CCDC32: variants seen among roughly 807,000 people sequenced by gnomAD.
CCDC32 encodes the protein coiled-coil domain containing 32.
A neutral mutation model predicts 20.1 loss-of-function variants in CCDC32; 9 were observed. The ratio of observed to expected loss-of-function variants is 0.45; its 90% CI spans 0.27 to 0.78. The LOEUF is 0.78. Among genes scored for constraint, CCDC32 ranks in the 30% least tolerant of loss-of-function variants. The pLI, the probability that CCDC32 is intolerant of heterozygous loss-of-function variation, is 0.16. For missense variants in CCDC32, 204 were observed against 215.5 expected, an observed-to-expected ratio of 0.95 and a Z score of 0.33; for synonymous variants, 63 against 79.0, an observed-to-expected ratio of 0.80 and a Z score of 1.07.
intron 3 of CCDC32, among the ~76,000 whole-genome samples, chr15:40,547,094 T>G (rs1053689220): frequency 3.9e-5 from 6 of 152,022 alleles, no homozygotes; most frequent in Admixed American, 2.0e-4. Context: ...TGGGGCTGCC[T>G]CTTCTGTCAG....
At chr15:40,522,283 C>T in the CCDC32 span, among the ~76,000 whole-genome samples, 30 of 152,292 alleles carry the variant, frequency 2.0e-4, 1 homozygote, top group African/African-American at 7.2e-4. Flanking sequence ...AAAGGGTATA[C>T]TTCTGGACTC....
chr15:40,534,815 A>T (rs1889039056), downstream of CCDC32: 5 of 690,944 alleles, frequency 7.2e-6, no homozygotes, highest in Admixed American at 8.1e-5. Flanking sequence ...ATACCATCAC[A>T]TCAGGATTAG....
chr15:40,552,771 C>CAAAAAAAAAAAAAAAA (rs10675441), downstream of CCDC32: 8 of 68,778 alleles, frequency 1.2e-4, 3 homozygotes, highest in Admixed American at 2.0e-4. Flanking sequence ...AGTGCGACCT[C>CAAAAAAAAAAAAAAAA]AAAAAAAAAA....
At chr15:40,557,131 T>G in intron 3 of CCDC32, 85 bp downstream of exon 3, 1 of 1,507,516 alleles carries the variant, frequency 6.6e-7, no homozygotes, top group South Asian at 1.4e-5. Flanking sequence ...AAGTCTGTTC[T>G]TAAAAATCTA....
intron 3 of CCDC32, among the ~76,000 whole-genome samples, chr15:40,554,959 G>A (rs1014355020): frequency 5.9e-5 from 9 of 152,204 alleles, no homozygotes; most frequent in African/African-American, 2.2e-4. Flanking sequence ...GGGAATTTAT[G>A]TTTTGGATAG....
At chr15:40,564,321 A>G (rs1051761020) in intron 1 of CCDC32, among the ~76,000 whole-genome samples, 1 of 152,152 alleles carries the variant, frequency 6.6e-6, no homozygotes, top group African/African-American at 2.4e-5. Flanking sequence ...TCACCATTTT[A>G]CAGATGAAAA....
chr15:40,564,849 A>T (rs1890915505), intron 1 of CCDC32, 127 bp downstream of exon 1: 1 of 1,601,632 alleles, frequency 6.2e-7, no homozygotes, highest in South Asian at 1.1e-5. Context: ...CCCAGGCCTC[A>T]GTCGCTCAGG....
chr15:40,535,074 A>T, downstream of CCDC32: 1 of 768,144 alleles, frequency 1.3e-6, no homozygotes, highest in Non-Finnish European at 2.2e-6. Context: ...GAGGGTCTTG[A>T]CTGCTAAGCC....
downstream of CCDC32, among the ~76,000 whole-genome samples, chr15:40,551,051 T>C (rs1889834105): frequency 1.3e-5 from 2 of 152,274 alleles, no homozygotes; most frequent in Non-Finnish European, 2.9e-5. Context: ...TTGTTTATCA[T>C]GCAGGGAGAA....
intron 2 of CCDC32, among the ~76,000 whole-genome samples, chr15:40,558,304 T>C (rs1890386517): frequency 6.6e-6 from 1 of 152,140 alleles, no homozygotes; most frequent in Admixed American, 6.6e-5. Flanking sequence ...TCAAAACAAA[T>C]ACCTTTTGTT....
chr15:40,556,956 A>G, intron 3 of CCDC32: 1 of 345,428 alleles, frequency 2.9e-6, no homozygotes, highest in Non-Finnish European at 5.2e-6. Flanking sequence ...TGTTACAGTA[A>G]CATGGTTTCC....
intron 3 of CCDC32, among the ~76,000 whole-genome samples, chr15:40,546,570 A>T (rs975284165): frequency 1.3e-5 from 2 of 151,466 alleles, no homozygotes; most frequent in African/African-American, 4.9e-5. Flanking sequence ...TCCCCACCAG[A>T]CCCCATAGTA....
intron 1 of CCDC32, 38 bp downstream of exon 1, chr15:40,564,938 A>G: frequency 2.4e-6 from 2 of 848,736 alleles, no homozygotes; most frequent in Non-Finnish European, 3.7e-6. Flanking sequence ...AGAGTGGGAG[A>G]TCCAAAACGC....
downstream of CCDC32, chr15:40,539,217 C>T (rs1889266126): frequency 1.3e-6 from 2 of 1,531,424 alleles, no homozygotes; most frequent in South Asian, 1.2e-5. Context: ...CACATCCCTG[C>T]CTGGCCCGCC....
chr15:40,557,591 TAA>T, intron 2 of CCDC32: 1 of 443,766 alleles, frequency 2.3e-6, no homozygotes, highest in Middle Eastern at 6.2e-4. Context: ...AATAAATGTT[TAA>T]CCCGAGAAAA....
At chr15:40,539,938 G>T (rs1433499068) in intron 3 of CCDC32, among the ~76,000 whole-genome samples, 2 of 150,524 alleles carry the variant, frequency 1.3e-5, no homozygotes, top group South Asian at 4.2e-4. Context: ...TACCTACTCA[G>T]CCTCACTTCG....
In CCDC32 at chr15:40,553,456, C is replaced by A; in HGVS notation, c.*515G>T. The A allele has an allele frequency of 1.0e-6, 1 of 985,988 alleles. No individual in the cohort carries two copies. Among genetic ancestry groups the A allele is most frequent in the African/African-American group, 1.7e-5 (1 of 57,344 alleles). 61.1% of individuals were successfully genotyped at this position (985,988 alleles called of 1,614,324 possible). ...ACTTACTACAGATTTGTTAGAGAAGCCCCAGATGGGGCTTGGATTCAAGGA... is the reference window on the plus strand; with the variant it reads ...ACTTACTACAGATTTGTTAGAGAAGACCCAGATGGGGCTTGGATTCAAGGA... On this transcript the variant is annotated 3_prime_UTR_variant, in exon 4 of 4. Transcript: ENST00000416810.
rs1324810673 is a variant in CCDC32 at position 40,562,810 on chromosome 15, G to T, written c.206C>A (p.Ala69Asp). 1.2e-6 allele frequency: 2 copies of T among 1,614,216 alleles called. No homozygotes were observed. Among genetic ancestry groups the T allele is most frequent in the Non-Finnish European group, 8.5e-7 (1 of 1,180,046 alleles). The change falls in exon 2 of 4, where the codon GCT becomes GAT. Residue 69 changes from alanine (A) to aspartate (D), a missense_variant. Ala to Asp is a moderately radical substitution (Grantham distance 126). Transcript: ENST00000416810. ...FAVQPAVKPW[A>D]PLQDSEVYLA... ...ATACACTTCTGAATCCTGCAAGGGA[G>T]CCCAAGGCTTTACAGCTGGCTGGAC...
At chr15:40,535,171 G>T, downstream of CCDC32, 1 of 1,182,230 alleles carries the variant, frequency 8.5e-7, no homozygotes, top group Non-Finnish European at 1.2e-6. Context: ...ACGTGACGGT[G>T]GCATATAAGA....
Sources: allele counts gnomAD v4.1 joint callset (sites outside exome capture counted in the v4.1 genomes callset), GRCh38; gene constraint gnomAD v4.1.1; transcripts MANE v1.5; gene names NCBI Gene and HGNC (gene_info 2026-07-23, HGNC 2026-07-21).